SCUBE1: variants seen among roughly 807,000 people sequenced by gnomAD.
The protein encoded by SCUBE1 is signal peptide, CUB and EGF-like domain-containing protein 1.
SCUBE1 carries 59 observed loss-of-function variants against 124.4 expected under a neutral mutation model. The observed-to-expected ratio is 0.47, with a 90% CI of 0.38 to 0.59. SCUBE1 has a LOEUF of 0.59. Among genes scored for constraint, SCUBE1 ranks in the 20% least tolerant of loss-of-function variants. The pLI is 0.00. For synonymous variants in SCUBE1, 545 were observed against 550.9 expected (o/e 0.99, Z 0.15); for missense variants, 1,150 against 1,371.2 (o/e 0.84, Z 2.55).
chr22:43,226,059 G>A (rs970600400), intron 10 of SCUBE1, among the ~76,000 whole-genome samples: 5 of 152,184 alleles, frequency 3.3e-5, no homozygotes, highest in African/African-American at 7.2e-5. Context: ...GATATTAAAT[G>A]ATGGTTTGTA....
intron 1 of SCUBE1, among the ~76,000 whole-genome samples, chr22:43,341,154 G>A (rs1298862917): frequency 7.0e-6 from 1 of 143,340 alleles, no homozygotes; most frequent in Non-Finnish European, 1.6e-5. Context: ...TCCGGGGGGG[G>A]CTACCCATCT....
chr22:43,340,120 G>C (rs1927260845), intron 1 of SCUBE1, among the ~76,000 whole-genome samples: 1 of 151,698 alleles, frequency 6.6e-6, no homozygotes, highest in African/African-American at 2.4e-5. Flanking sequence ...ACCTGAACGT[G>C]GGATCCCACC....
chr22:43,269,731 G>T (rs1924217790), intron 4 of SCUBE1, among the ~76,000 whole-genome samples: 1 of 152,170 alleles, frequency 6.6e-6, no homozygotes, highest in Non-Finnish European at 1.5e-5. Context: ...GTGGCAGGGG[G>T]AGGAGGCGGC....
intron 9 of SCUBE1, among the ~76,000 whole-genome samples, 170 bp downstream of exon 9, chr22:43,228,902 G>A (rs1922436114): frequency 6.6e-6 from 1 of 152,228 alleles, no homozygotes; most frequent in Admixed American, 6.5e-5. Flanking sequence ...CCCCAGCCCT[G>A]CCTCACTTGT....
intron 7 of SCUBE1, among the ~76,000 whole-genome samples, chr22:43,235,892 C>T (rs963679739): frequency 5.9e-5 from 9 of 152,104 alleles, no homozygotes; most frequent in Non-Finnish European, 8.8e-5. Flanking sequence ...GCCCTTGAGA[C>T]GAGGGCTTAG....
rs1921553256 is a variant in SCUBE1, at chr22:43,211,517, ATTCT to A, written c.2222-438_2222-435del. On this transcript the variant is annotated intron_variant, in intron 17 of 21. Transcript: ENST00000360835. The surrounding 1 kb of genome is among the most constrained non-coding windows in gnomAD (Gnocchi z 4.5). ...CGGGGCGGGGGGCTAGAGATGGGCA[ATTCT>A]TTTTTTTTTTTTTTGAGATGGAGCT... Among the ~76,000 whole-genome samples the A allele has an allele frequency of 6.8e-6, 1 of 146,434 alleles. No homozygotes were observed. The highest frequency in any genetic ancestry group is 2.1e-4 in the South Asian group (1 of 4,668).
chr22:43,245,399 G>GC (rs1426978100), intron 6 of SCUBE1, among the ~76,000 whole-genome samples: 1 of 152,222 alleles, frequency 6.6e-6, no homozygotes, highest in Admixed American at 6.5e-5. Context: ...GGCTGGGTCT[G>GC]CCCCAGGGCT....
intron 4 of SCUBE1, among the ~76,000 whole-genome samples, chr22:43,281,556 TC>T (rs769072325): frequency 1.2e-5 from 1 of 80,070 alleles, no homozygotes; most frequent in Non-Finnish European, 2.5e-5. Context: ...TCCTGTCACC[TC>T]CCCCTCAGCC....
intron 6 of SCUBE1, among the ~76,000 whole-genome samples, chr22:43,240,004 T>A (rs1404220892): frequency 1.3e-5 from 2 of 152,152 alleles, no homozygotes; most frequent in African/African-American, 4.8e-5. Context: ...CCCTCAGCTG[T>A]CGGGACTCCC....
chr22:43,226,133 G>A (rs1204135535), intron 10 of SCUBE1, among the ~76,000 whole-genome samples: 2 of 152,158 alleles, frequency 1.3e-5, no homozygotes, highest in Non-Finnish European at 2.9e-5. Flanking sequence ...TCTGTTCCAG[G>A]TGCTGGGGCT....
At chr22:43,286,833 A>C in intron 4 of SCUBE1, among the ~76,000 whole-genome samples, 1 of 152,246 alleles carries the variant, frequency 6.6e-6, no homozygotes, top group Admixed American at 6.5e-5. Flanking sequence ...TCACGTAGCT[A>C]GTAAGACTGA....
intron 3 of SCUBE1, among the ~76,000 whole-genome samples, chr22:43,300,557 A>G (rs1028547199): frequency 1.3e-5 from 2 of 152,042 alleles, no homozygotes; most frequent in South Asian, 2.1e-4. Context: ...AGATATGTCT[A>G]TTCAGGTCCT....
At chr22:43,319,609 C>T (rs1189583711) in intron 3 of SCUBE1, among the ~76,000 whole-genome samples, 1 of 146,914 alleles carries the variant, frequency 6.8e-6, no homozygotes, top group Non-Finnish European at 1.5e-5. Context: ...CAGAGAGACA[C>T]TAGACACTTG....
In SCUBE1 at chr22:43,211,497, C is replaced by T. The variant is rs987601528; in HGVS notation, c.2222-414G>A. 4.2e-5 allele frequency among the ~76,000 whole-genome samples: 6 copies of T among 142,372 alleles called. No individual in the cohort carries two copies. Among genetic ancestry groups the T allele is most frequent in the Non-Finnish European group, 6.1e-5 (4 of 65,368 alleles). The allele number at this position is 142,372 out of a possible 152,430, so 93.4% of individuals were successfully genotyped here. A position where few individuals can be genotyped will look rare whatever the true frequency, so the allele number is the denominator to read the frequency against. The stretch of plus-strand genomic sequence containing the variant: ...GGCCGGAGTCTGAGGGGTGCCGGGG[C>T]GGGGGGCTAGAGATGGGCAATTCTT... On this transcript the variant is annotated intron_variant, in intron 17 of 21. Transcript: ENST00000360835. This position sits in a 1 kb window ranked among gnomAD's most constrained non-coding sequence, Gnocchi z 4.5.
intron 10 of SCUBE1, 72 bp from the exon 11 acceptor site, chr22:43,223,288 G>A (rs1428165430): frequency 1.3e-6 from 2 of 1,502,010 alleles, no homozygotes; most frequent in African/African-American, 1.5e-5. Context: ...GAGGGTCCTG[G>A]GTATGGCCTA....
Position 43,210,987 on chromosome 22 carries a change from C to T in SCUBE1, c.2318G>A (p.Cys773Tyr). 1.2e-6 allele frequency: 2 copies of T among 1,614,126 alleles called. No homozygotes were observed. The highest frequency in any genetic ancestry group is 1.7e-6 in the Non-Finnish European group (2 of 1,180,016). ...GCTGGTGTTGCCCGGACAGGTGATG[C>T]AGTGGTTCTGGCCAAACTCGGGCTG... ...TYQPEFGQNHCITCPGNTSTD... is the reference protein window; with the variant it reads ...TYQPEFGQNHYITCPGNTSTD... Residue 773 changes from cysteine (C) to tyrosine (Y), a missense_variant, in exon 18 of 22, where the codon TGC becomes TAC. Coordinates refer to ENST00000360835, the MANE Select transcript of SCUBE1 (RefSeq NM_173050.5). The surrounding 1 kb of genome is among the most constrained non-coding windows in gnomAD (Gnocchi z 4.5).
At chr22:43,212,107 C>T (rs114212584) in intron 17 of SCUBE1, among the ~76,000 whole-genome samples, 2,525 of 151,030 alleles carry the variant, frequency 0.017, 80 homozygotes, top group African/African-American at 0.059. Context: ...ACTCCTGCCC[C>T]CACACTCCTG....
chr22:43,330,235 T>G (rs577996096), intron 2 of SCUBE1, among the ~76,000 whole-genome samples: 1 of 152,326 alleles, frequency 6.6e-6, no homozygotes, highest in East Asian at 1.9e-4. Flanking sequence ...AAGTCACCGC[T>G]GGCTCACGGA....
At chr22:43,277,329 G>T (rs1004558015) in intron 4 of SCUBE1, among the ~76,000 whole-genome samples, 1 of 152,162 alleles carries the variant, frequency 6.6e-6, no homozygotes. Flanking sequence ...GGGAATGACA[G>T]AGCCAGAGGG....
Sources: allele counts gnomAD v4.1 joint callset (sites outside exome capture counted in the v4.1 genomes callset), GRCh38; gene constraint gnomAD v4.1.1; non-coding constraint Gnocchi (gnomAD v3.1); transcripts MANE v1.5; gene names NCBI Gene and HGNC (gene_info 2026-07-23, HGNC 2026-07-21).